Variants in ADAMTSL1 observed in about 807,000 individuals in gnomAD.
ADAMTSL1 encodes ADAMTS-like protein 1.
In ADAMTSL1, 126 loss-of-function variants were observed where a neutral mutation model predicts 201.8. That is an observed-to-expected ratio of 0.62 (90% confidence interval 0.54 to 0.72). The LOEUF (loss-of-function observed/expected upper bound fraction) is 0.72. Ranked by LOEUF, ADAMTSL1 falls within the 30% of genes least tolerant of loss-of-function variation. ADAMTSL1 has a pLI of 0.00. For synonymous variants in ADAMTSL1, 1,121 were observed against 903.4 expected (o/e 1.24, Z -4.32); for missense variants, 2,679 against 2,277.8 (o/e 1.18, Z -3.59).
intron 2 of ADAMTSL1, among the ~76,000 whole-genome samples, chr9:18,292,076 G>A (rs1247430906): frequency 1.3e-5 from 2 of 152,100 alleles, no homozygotes; most frequent in Non-Finnish European, 2.9e-5. Context: ...AATCCTAGAA[G>A]ACCAGCCTGT....
chr9:18,241,835 C>G (rs1268547619), intron 2 of ADAMTSL1, among the ~76,000 whole-genome samples: 1 of 151,884 alleles, frequency 6.6e-6, no homozygotes, highest in Non-Finnish European at 1.5e-5. Context: ...AAATAGAAAT[C>G]CTGAACAGAT....
intron 2 of ADAMTSL1, among the ~76,000 whole-genome samples, chr9:18,467,271 C>A (rs186473148): frequency 5.8e-4 from 89 of 152,184 alleles, no homozygotes; most frequent in African/African-American, 2.0e-3. Context: ...TTACTATTTG[C>A]TACTTAGATT....
Position 18,445,002 on chromosome 9 carries a change from T to C in ADAMTSL1, c.208-59827T>C, listed in dbSNP as rs528186447. Among the ~76,000 whole-genome samples the C allele has an allele frequency of 2.6e-5, 4 of 152,216 alleles. No homozygotes were observed. The East Asian group carries it at 7.7e-4, about 29-fold the overall frequency. On this transcript the variant is annotated intron_variant, in intron 2 of 29. Transcript: ENST00000680146. ...AAGTCAGAGAGTTTAGGTAACTTAT[T>C]TGCCTAAGGTCAAATAGAATGTTAT... is the stretch of plus-strand genomic sequence containing the variant.
chr9:18,197,741 C>T (rs1215825060), intron 2 of ADAMTSL1, among the ~76,000 whole-genome samples: 2 of 151,688 alleles, frequency 1.3e-5, no homozygotes, highest in Non-Finnish European at 2.9e-5. Context: ...TGAGAGAGGG[C>T]ATCCCTGTCT....
chr9:18,357,398 C>T (rs991626752), intron 2 of ADAMTSL1, among the ~76,000 whole-genome samples: 2 of 152,120 alleles, frequency 1.3e-5, no homozygotes, highest in African/African-American at 4.8e-5. Context: ...TTCACTTCAG[C>T]AGAACATGAA....
chr9:18,649,166 C>T (rs897272323), intron 7 of ADAMTSL1, among the ~76,000 whole-genome samples: 29 of 152,352 alleles, frequency 1.9e-4, no homozygotes, highest in African/African-American at 6.7e-4. Flanking sequence ...AACCTTTCTT[C>T]CAGTTGATTG....
At chr9:18,136,555 T>C (rs1250156540) in intron 1 of ADAMTSL1, among the ~76,000 whole-genome samples, 2 of 151,996 alleles carry the variant, frequency 1.3e-5, no homozygotes, top group Non-Finnish European at 2.9e-5. Context: ...CACACCGCTA[T>C]GGCACAGGAG....
chr9:18,002,214 C>T (rs1206138880), intron 1 of ADAMTSL1, among the ~76,000 whole-genome samples: 2 of 152,016 alleles, frequency 1.3e-5, no homozygotes, highest in Non-Finnish European at 2.9e-5. Context: ...CTATAGGAAT[C>T]TGTGGGCAGA....
rs530528230 is a variant in ADAMTSL1 at position 18,147,685 on chromosome 9, C to G, written c.88-16177C>G. 7.8e-4 allele frequency among the ~76,000 whole-genome samples: 118 copies of G among 152,170 alleles called. 5 individuals are homozygous for G. In the South Asian group the frequency reaches 0.023, roughly 30 times the overall value. On this transcript the variant is annotated intron_variant, in intron 1 of 29. Transcript: ENST00000680146. ...TGGAGGCTCAATTGTTATTTTTTGG[C>G]TGACCTATTCTTTTGTTCCAAAAGA...
chr9:18,055,046 C>A lies in ADAMTSL1; in HGVS notation c.88-108816C>A, dbSNP rs189381506. Reference sequence around the variant, plus strand: ...TGGCACAGGCAGCCATCTCACCCTGCCTGCAGCTCTGCCACAGCACTATGC... The same window carrying A: ...TGGCACAGGCAGCCATCTCACCCTGACTGCAGCTCTGCCACAGCACTATGC... On this transcript the variant is annotated intron_variant, in intron 1 of 29. Transcript: ENST00000680146. Among the ~76,000 whole-genome samples, 56 of 152,266 alleles carry A rather than the reference C, an allele frequency of 3.7e-4. No homozygotes were observed. In the East Asian group the frequency reaches 0.011, roughly 29 times the overall value.
chr9:18,029,264 C>T (rs1448830563), intron 1 of ADAMTSL1, among the ~76,000 whole-genome samples: 1 of 152,016 alleles, frequency 6.6e-6, no homozygotes, highest in Non-Finnish European at 1.5e-5. Flanking sequence ...CTTCTCCTGC[C>T]TCATTGCCCT....
At chr9:18,476,586 A>T (rs1354283805) in intron 1 of ADAMTSL1, among the ~76,000 whole-genome samples, 1 of 152,154 alleles carries the variant, frequency 6.6e-6, no homozygotes, top group Non-Finnish European at 1.5e-5. Flanking sequence ...TGTGTACTTG[A>T]TTTAGAACTA....
At chr9:18,371,350 G>T (rs1340045) in intron 2 of ADAMTSL1, among the ~76,000 whole-genome samples, 5,778 of 152,154 alleles carry the variant, frequency 0.038, 224 homozygotes, top group African/African-American at 0.099. Context: ...CCTGCAGTTT[G>T]GTATTTTAAT....
chr9:18,545,747 T>C (rs1445902853), intron 3 of ADAMTSL1, among the ~76,000 whole-genome samples: 3 of 152,182 alleles, frequency 2.0e-5, no homozygotes, highest in East Asian at 1.9e-4. Flanking sequence ...GTGAACCAGA[T>C]AGAAGCTTGA....
chr9:18,435,070 G>C (rs901039036), intron 2 of ADAMTSL1, among the ~76,000 whole-genome samples: 1 of 152,182 alleles, frequency 6.6e-6, no homozygotes, highest in Non-Finnish European at 1.5e-5. Context: ...AGAGGGAGTT[G>C]AGATGTCATG....
At chr9:18,447,189 A>G (rs1425663761) in intron 2 of ADAMTSL1, among the ~76,000 whole-genome samples, 2 of 152,176 alleles carry the variant, frequency 1.3e-5, no homozygotes, top group Non-Finnish European at 2.9e-5. Context: ...TCTGTATTAT[A>G]TAGTAATGAA....
intron 1 of ADAMTSL1, among the ~76,000 whole-genome samples, chr9:18,005,468 C>G (rs1819776810): frequency 6.6e-6 from 1 of 152,068 alleles, no homozygotes; most frequent in African/African-American, 2.4e-5. Flanking sequence ...GAATAAGTAG[C>G]TTGACCAAAG....
intron 9 of ADAMTSL1, among the ~76,000 whole-genome samples, chr9:18,670,999 A>G (rs1829775741): frequency 6.6e-6 from 1 of 152,162 alleles, no homozygotes; most frequent in South Asian, 2.1e-4. Flanking sequence ...TATGTATAAT[A>G]CCTTATAAAA....
intron 2 of ADAMTSL1, among the ~76,000 whole-genome samples, chr9:18,367,896 A>T (rs1315303537): frequency 6.6e-6 from 1 of 151,306 alleles, no homozygotes; most frequent in African/African-American, 2.4e-5. Flanking sequence ...TTTTATTTTT[A>T]TTTTATTTTA....
Sources: allele counts gnomAD v4.1 joint callset (sites outside exome capture counted in the v4.1 genomes callset), GRCh38; gene constraint gnomAD v4.1.1; transcripts MANE v1.5; gene names NCBI Gene and HGNC (gene_info 2026-07-23, HGNC 2026-07-21).